Variants in HECTD4 observed in about 807,000 individuals in gnomAD.
HECTD4 encodes HECT domain E3 ubiquitin protein ligase 4.
A neutral mutation model predicts 471.5 loss-of-function variants in HECTD4; 114 were observed. The ratio of observed to expected loss-of-function variants is 0.24; its 90% CI spans 0.21 to 0.28. HECTD4 has a LOEUF of 0.28. Among genes scored for constraint, HECTD4 ranks in the 10% least tolerant of loss-of-function variants. HECTD4 has a pLI of 1.00. For missense variants in HECTD4, 3,866 were observed against 5,651.5 expected, an observed-to-expected ratio of 0.68 and a Z score of 10.13; for synonymous variants, 2,012 against 2,256.0, an observed-to-expected ratio of 0.89 and a Z score of 3.07.
chr12:112,263,013 T>A (rs2034184063), intron 17 of HECTD4, among the ~76,000 whole-genome samples: 1 of 152,190 alleles, frequency 6.6e-6, no homozygotes, highest in African/African-American at 2.4e-5. Context: ...ACTAATGACA[T>A]TCATGATCAT....
intron 66 of HECTD4, among the ~76,000 whole-genome samples, chr12:112,174,161 G>A (rs146763239): frequency 7.2e-4 from 108 of 150,638 alleles, no homozygotes; most frequent in African/African-American, 2.2e-3. Context: ...TAGAGACGGG[G>A]TTTCACCATG....
In HECTD4 at chr12:112,165,265, A is replaced by G. The variant is rs527424635; in HGVS notation, c.12535-990T>C. Among the ~76,000 whole-genome samples, 117 of 151,074 alleles carry G rather than the reference A, an allele frequency of 7.7e-4. No individual in the cohort carries two copies. The Middle Eastern group carries it at 0.038, about 49-fold the overall frequency. ...CAATCTGGATCAGAGGCCTGAGACC[A>G]ATACCAGATGATACTGTTTGAACAC... On this transcript the variant is annotated intron_variant, in intron 72 of 75. Coordinates refer to ENST00000682272, the MANE Select transcript of HECTD4 (RefSeq NM_001388303.1).
intron 37 of HECTD4, among the ~76,000 whole-genome samples, chr12:112,233,837 TTTTG>T (rs888502940): frequency 6.4e-5 from 9 of 139,948 alleles, no homozygotes; most frequent in Non-Finnish European, 1.2e-4. Context: ...GCCTGGCCTA[TTTTG>T]TTTGTTTTTT....
intron 7 of HECTD4, among the ~76,000 whole-genome samples, chr12:112,287,792 G>A (rs189562559): frequency 5.3e-4 from 81 of 152,196 alleles, no homozygotes; most frequent in Admixed American, 1.8e-3. Flanking sequence ...AGATTCTCAA[G>A]CAGGAATGTG....
At chr12:112,207,283 A>G (rs1170696300) in intron 52 of HECTD4, among the ~76,000 whole-genome samples, 1 of 152,206 alleles carries the variant, frequency 6.6e-6, no homozygotes. Flanking sequence ...AGCTTGGACT[A>G]CAGGCGTGTG....
At chr12:112,358,388 G>A (rs2036384626) in intron 1 of HECTD4, among the ~76,000 whole-genome samples, 1 of 152,100 alleles carries the variant, frequency 6.6e-6, no homozygotes, top group African/African-American at 2.4e-5. Flanking sequence ...GCCCGAAGCA[G>A]GGGGATCACT....
Position 112,161,434 on chromosome 12 carries a change from T to A in HECTD4, c.*953A>T, listed in dbSNP as rs1182198704. 1 of 152,202 alleles carries A rather than the reference T, an allele frequency of 6.6e-6. No individual in the cohort carries two copies. The highest frequency in any genetic ancestry group is 2.4e-5 in the African/African-American group (1 of 41,454). 9.4% of individuals were successfully genotyped at this position (152,202 alleles called of 1,614,324 possible). ...AATTGAGCAGAGCACCTCAGTCCAC[T>A]CTTTTGAAAATGGGTGTGGCCCTTT... On this transcript the variant is annotated 3_prime_UTR_variant, in exon 76 of 76. Transcript: ENST00000682272.
intron 58 of HECTD4, 57 bp from the exon 59 acceptor site, chr12:112,192,822 A>G (rs1277129308): frequency 2.1e-6 from 3 of 1,427,570 alleles, no homozygotes; most frequent in East Asian, 2.5e-5. Flanking sequence ...ACATGGGGAC[A>G]GGCAGCTTTG....
intron 18 of HECTD4, among the ~76,000 whole-genome samples, chr12:112,259,674 TTAGGTTC>T (rs1303906223): frequency 1.3e-5 from 2 of 152,052 alleles, no homozygotes; most frequent in African/African-American, 4.8e-5. Flanking sequence ...TATGAACTAC[TTAGGTTC>T]TAGGTTCTAG....
chr12:112,219,243 C>T (rs2033020011), intron 45 of HECTD4, 143 bp downstream of exon 45: 1 of 483,258 alleles, frequency 2.1e-6, no homozygotes, highest in Non-Finnish European at 3.6e-6. Flanking sequence ...CATGGCACCG[C>T]AAAGAGGGCA....
intron 1 of HECTD4, among the ~76,000 whole-genome samples, chr12:112,324,153 C>T (rs541086705): frequency 5.3e-4 from 77 of 144,364 alleles, no homozygotes; most frequent in African/African-American, 1.8e-3. Context: ...GGGTCTCACT[C>T]ACCCAGGCTG....
At position 112,228,575 on chromosome 12, in the gene HECTD4, C is replaced by T. The variant is rs1593953482; in HGVS notation, c.6684+72G>A. The T allele has an allele frequency of 3.1e-6, 4 of 1,307,884 alleles. No homozygotes were observed. In the East Asian group the frequency reaches 9.4e-5, roughly 31 times the overall value. The allele number at this position is 1,307,884 out of a possible 1,614,324, so 81.0% of individuals were successfully genotyped here. A position where few individuals can be genotyped will look rare whatever the true frequency, so the allele number is the denominator to read the frequency against. On this transcript the variant is annotated intron_variant, in intron 42 of 75. Coordinates refer to ENST00000682272, the MANE Select transcript of HECTD4 (RefSeq NM_001388303.1). This position sits in a 1 kb window ranked among gnomAD's most constrained non-coding sequence, Gnocchi z 4.9. ...CAAGCATTTGTGCTTCTGCACTGAG[C>T]ATGTGCATAGACTCATTACAGTACA... is the stretch of plus-strand genomic sequence containing the variant.
At chr12:112,293,666 A>C (rs1566101691) in intron 7 of HECTD4, among the ~76,000 whole-genome samples, 1 of 152,194 alleles carries the variant, frequency 6.6e-6, no homozygotes, top group Admixed American at 6.5e-5. Flanking sequence ...AGGAAAAACA[A>C]CACAAACACA....
In HECTD4 at chr12:112,357,774, A is replaced by C. The variant is rs569276459; in HGVS notation, c.177+24178T>G. On this transcript the variant is annotated intron_variant, in intron 1 of 75. Coordinates refer to ENST00000682272, the MANE Select transcript of HECTD4 (RefSeq NM_001388303.1). ...ATCTTTATTATACAGTATTAGTTTTATGTTACTTACAAAATGCTAATGTAT... is the reference window on the plus strand; with the variant it reads ...ATCTTTATTATACAGTATTAGTTTTCTGTTACTTACAAAATGCTAATGTAT... Among the ~76,000 whole-genome samples, 12 of 152,340 alleles carry C rather than the reference A, an allele frequency of 7.9e-5. No individual in the cohort carries two copies. In the East Asian group the frequency reaches 2.3e-3, roughly 29 times the overall value.
At chr12:112,302,389 T>C (rs190180572) in intron 7 of HECTD4, 30 of 754,538 alleles carry the variant, frequency 4.0e-5, no homozygotes, top group Admixed American at 1.9e-4. Context: ...GCTTAAGCAG[T>C]TGAGTAACTG....
intron 7 of HECTD4, among the ~76,000 whole-genome samples, chr12:112,294,040 C>T (rs1254434787): frequency 1.3e-5 from 2 of 152,128 alleles, no homozygotes; most frequent in African/African-American, 4.8e-5. Flanking sequence ...GCTGGGACTA[C>T]AGTCATGCAC....
At chr12:112,281,395 T>C (rs531116836) in intron 8 of HECTD4, among the ~76,000 whole-genome samples, 1 of 152,320 alleles carries the variant, frequency 6.6e-6, no homozygotes, top group African/African-American at 2.4e-5. Context: ...GTCCTTGCCT[T>C]CTGAGGTCTT....
chr12:112,165,055 G>A (rs1327263289), intron 72 of HECTD4, among the ~76,000 whole-genome samples: 2 of 151,046 alleles, frequency 1.3e-5, no homozygotes, highest in Non-Finnish European at 2.9e-5. Flanking sequence ...CGAGTAGCTG[G>A]GATTACAGGC....
At chr12:112,370,904 T>G (rs1314366771) in intron 1 of HECTD4, among the ~76,000 whole-genome samples, 1 of 152,242 alleles carries the variant, frequency 6.6e-6, no homozygotes, top group Admixed American at 6.5e-5. Flanking sequence ...TGCTGTTATT[T>G]ACATTTGTCT....
Sources: gnomAD v4.1 joint callset for allele counts (sites outside exome capture counted in the v4.1 genomes callset) on GRCh38, gnomAD v4.1.1 for gene constraint, Gnocchi (gnomAD v3.1) non-coding constraint, MANE v1.5 for transcripts, NCBI Gene and HGNC (gene_info 2026-07-23, HGNC 2026-07-21) for gene names.